Variants in LY86 observed in about 807,000 individuals in gnomAD.
LY86 encodes the protein MD-1, RP105-associated.
LY86 carries 20 observed loss-of-function variants against 17.3 expected under a neutral mutation model. The observed-to-expected ratio is 1.15, with a 90% CI of 0.81 to 1.68. The LOEUF is 1.68. LY86 is among the 40% of genes most tolerant of loss of function. The pLI is 0.00. For missense variants in LY86, 200 were observed against 191.9 expected, an observed-to-expected ratio of 1.04 and a Z score of -0.25; for synonymous variants, 74 against 70.6, an observed-to-expected ratio of 1.05 and a Z score of -0.24.
At chr6:6,605,370 G>C (rs1026622515) in intron 1 of LY86, among the ~76,000 whole-genome samples, 7 of 152,208 alleles carry the variant, frequency 4.6e-5, no homozygotes, top group African/African-American at 1.7e-4. Flanking sequence ...AGGCTTGGCT[G>C]GGGGAGCAGC....
At chr6:6,629,577 G>A (rs576895133) in intron 3 of LY86, among the ~76,000 whole-genome samples, 1 of 152,352 alleles carries the variant, frequency 6.6e-6, no homozygotes, top group East Asian at 1.9e-4. Flanking sequence ...GGTGTCACTG[G>A]CAGTTGAGCT....
At chr6:6,605,410 A>G (rs889275357) in intron 1 of LY86, among the ~76,000 whole-genome samples, 7 of 152,224 alleles carry the variant, frequency 4.6e-5, no homozygotes, top group Non-Finnish European at 1.0e-4. Context: ...GTACATCGCA[A>G]TGAACAGACC....
rs1762234348 is a variant in LY86 at position 6,654,621 on chromosome 6, C to T, written c.483C>T (p.Cys161=). Reference sequence around the variant, plus strand: ...CCTGTGCCAATGCTACTATCATGTGCTCCTGACTGTGGCCTGTAGCAAAAA... The same window carrying T: ...CCTGTGCCAATGCTACTATCATGTGTTCCTGACTGTGGCCTGTAGCAAAAA... ...TVACANATIM[C]S The change falls in exon 5 of 5, where the codon TGC becomes TGT. Residue 161 remains cysteine (C), a synonymous_variant. Transcript: ENST00000230568. 1 of 1,613,938 alleles carries T rather than the reference C, an allele frequency of 6.2e-7. No individual in the cohort carries two copies. Among genetic ancestry groups the T allele is most frequent in the African/African-American group, 1.3e-5 (1 of 74,938 alleles).
intron 3 of LY86, among the ~76,000 whole-genome samples, chr6:6,644,441 C>T (rs1303416265): frequency 6.6e-6 from 1 of 151,794 alleles, no homozygotes; most frequent in Non-Finnish European, 1.5e-5. Context: ...GGAGGATCAC[C>T]TGAACCTGGA....
intron 3 of LY86, among the ~76,000 whole-genome samples, chr6:6,627,089 G>A (rs1251585311): frequency 3.3e-5 from 5 of 152,076 alleles, no homozygotes; most frequent in Admixed American, 3.3e-4. Context: ...CTTCCGCGGT[G>A]TGGTTAAAAC....
intron 1 of LY86, among the ~76,000 whole-genome samples, chr6:6,593,440 A>G (rs1043560607): frequency 3.3e-5 from 5 of 152,236 alleles, no homozygotes; most frequent in African/African-American, 1.2e-4. Flanking sequence ...CACATGTTCC[A>G]GGGGTTAAGA....
chr6:6,652,227 A>G (rs1041362376), intron 4 of LY86, among the ~76,000 whole-genome samples: 1 of 152,092 alleles, frequency 6.6e-6, no homozygotes, highest in Non-Finnish European at 1.5e-5. Context: ...CAGCAGAGAG[A>G]GCTGGAGGCC....
In LY86 at chr6:6,611,894, G is replaced by GA. The variant is rs544027072; in HGVS notation, c.137-13025dup. On this transcript the variant is annotated intron_variant, in intron 1 of 4. Transcript: ENST00000230568. ...TTTTTTCTGCACCTACCAAAAATAAGAAAAAAATCAGACTGCTGCTGTGTT... is the reference window on the plus strand; with the variant it reads ...TTTTTTCTGCACCTACCAAAAATAAGAAAAAAAATCAGACTGCTGCTGTGTT... Among the ~76,000 whole-genome samples the GA allele has an allele frequency of 3.2e-3, 488 of 152,176 alleles. 3 individuals carry two copies. Among genetic ancestry groups the GA allele is most frequent in the African/African-American group, 0.011 (464 of 41,530 alleles).
chr6:6,649,484 GAA>G, intron 3 of LY86, 139 bp from the exon 4 acceptor site: 1 of 593,136 alleles, frequency 1.7e-6, no homozygotes, highest in Non-Finnish European at 2.9e-6. Context: ...TGTAGATCAG[GAA>G]ATGAAAACAT....
In LY86 at chr6:6,592,708, TCAC is replaced by T. The variant is rs1760567411; in HGVS notation, c.136+3842_136+3844del. Among the ~76,000 whole-genome samples, 4 of 148,066 alleles carry T rather than the reference TCAC, an allele frequency of 2.7e-5. No homozygotes were observed. In the South Asian group the frequency reaches 8.3e-4, roughly 31 times the overall value. On this transcript the variant is annotated intron_variant, in intron 1 of 4. Transcript: ENST00000230568. ...AAAAGAAGAGGCCAGAGATCTCTTT[TCAC>T]CACATGAGGACACAATGAGAAGGTG...
intron 1 of LY86, among the ~76,000 whole-genome samples, chr6:6,605,340 GTGA>G (rs1288030185): frequency 1.3e-5 from 2 of 152,224 alleles, no homozygotes; most frequent in Admixed American, 1.3e-4. Context: ...CTGGGAAAAG[GTGA>G]TGAAGTAGTC....
intron 1 of LY86, among the ~76,000 whole-genome samples, chr6:6,609,816 CAT>C (rs1761285698): frequency 1.3e-5 from 2 of 151,086 alleles, no homozygotes; most frequent in Admixed American, 1.3e-4. Flanking sequence ...AACCCATAAA[CAT>C]GGATAATTAT....
chr6:6,620,034 C>A (rs1032704786), intron 1 of LY86, among the ~76,000 whole-genome samples: 2 of 152,088 alleles, frequency 1.3e-5, no homozygotes, highest in East Asian at 3.9e-4. Flanking sequence ...CTTTTCACAG[C>A]GACTCTGCTG....
At chr6:6,591,668 A>G (rs569489671) in intron 1 of LY86, among the ~76,000 whole-genome samples, 1 of 152,344 alleles carries the variant, frequency 6.6e-6, no homozygotes, top group South Asian at 2.1e-4. Context: ...CACACAGCTA[A>G]TAGTGGCAGA....
chr6:6,600,933 A>C lies in LY86; in HGVS notation c.136+12063A>C, dbSNP rs536803347. On this transcript the variant is annotated intron_variant, in intron 1 of 4. Coordinates refer to ENST00000230568, the MANE Select transcript of LY86 (RefSeq NM_004271.4). ...GGAACGTCATTCTTCCAGGATGAGC[A>C]ACAGCTTTTCTGCCTCACACTTGAC... Among the ~76,000 whole-genome samples the C allele has an allele frequency of 3.3e-5, 5 of 152,376 alleles. No homozygotes were observed. The South Asian group carries it at 1.0e-3, about 32-fold the overall frequency.
intron 1 of LY86, among the ~76,000 whole-genome samples, chr6:6,612,084 T>A (rs920625686): frequency 6.6e-6 from 1 of 152,288 alleles, no homozygotes; most frequent in Middle Eastern, 3.4e-3. Flanking sequence ...TAGCAAGATT[T>A]GAGAAGATCC....
At chr6:6,594,815 A>G (rs575659622) in intron 1 of LY86, among the ~76,000 whole-genome samples, 1 of 152,326 alleles carries the variant, frequency 6.6e-6, no homozygotes, top group Admixed American at 6.5e-5. Flanking sequence ...AAACAGGTAG[A>G]TAGGAAGTTT....
intron 3 of LY86, among the ~76,000 whole-genome samples, chr6:6,638,143 T>G (rs537354780): frequency 2.6e-5 from 4 of 152,290 alleles, no homozygotes; most frequent in African/African-American, 9.6e-5. Context: ...CCTGCAGCCA[T>G]TAAGTACTAG....
chr6:6,605,072 A>G (rs762921324), intron 1 of LY86, among the ~76,000 whole-genome samples: 1 of 151,104 alleles, frequency 6.6e-6, no homozygotes, highest in African/African-American at 2.4e-5. Context: ...GACTCTCACT[A>G]AAAGAACTTT....
Sources: gnomAD v4.1 joint callset for allele counts (sites outside exome capture counted in the v4.1 genomes callset) on GRCh38, gnomAD v4.1.1 for gene constraint, MANE v1.5 for transcripts, NCBI Gene and HGNC (gene_info 2026-07-23, HGNC 2026-07-21) for gene names.